ERCC6L2: variants seen among roughly 807,000 people sequenced by gnomAD.
The protein encoded by ERCC6L2 is ERCC excision repair 6 like 2, also known as DNA excision repair protein ERCC-6-like 2.
A neutral mutation model predicts 132.0 loss-of-function variants in ERCC6L2; 77 were observed. The observed-to-expected ratio is 0.58, with a 90% CI of 0.49 to 0.71. ERCC6L2 has a LOEUF of 0.71. Among genes scored for constraint, ERCC6L2 ranks in the 30% least tolerant of loss-of-function variants. ERCC6L2 has a pLI of 0.00. For missense variants in ERCC6L2, 1,542 were observed against 1,837.6 expected (o/e 0.84, Z 2.94); for synonymous variants, 583 against 632.4 (o/e 0.92, Z 1.17).
At chr9:95,971,379 A>G (rs1419575613) in intron 15 of ERCC6L2, among the ~76,000 whole-genome samples, 1 of 152,162 alleles carries the variant, frequency 6.6e-6, no homozygotes, top group Non-Finnish European at 1.5e-5. Flanking sequence ...ACTCTGATTA[A>G]TGTGCAAAGG....
chr9:95,931,357 C>T (rs1375361373), intron 11 of ERCC6L2, among the ~76,000 whole-genome samples: 1 of 152,078 alleles, frequency 6.6e-6, no homozygotes, highest in Admixed American at 6.5e-5. Flanking sequence ...TCAATCTGGC[C>T]CAGTTTTCTA....
intron 18 of ERCC6L2, among the ~76,000 whole-genome samples, chr9:96,006,425 C>T (rs1191951197): frequency 6.6e-6 from 1 of 152,254 alleles, no homozygotes; most frequent in African/African-American, 2.4e-5. Context: ...TTGGCAGGAG[C>T]AGCCTGGGAA....
Position 95,928,144 on chromosome 9 carries a change from C to T in ERCC6L2, c.1599C>T (p.Ser533=). ...ATAAAGTTCTTCTCTTTTCTTTTTC[C>T]ACCAAGGTGAGTTCATCTAAAGTAT... The part of the protein sequence containing the change: ...NRDKVLLFSF[S]TKLLDVLQQY... The change falls in exon 10 of 19, where the codon TCC becomes TCT. Residue 533 remains serine, a synonymous_variant. Transcript: ENST00000653738. The T allele has an allele frequency of 1.9e-6, 3 of 1,610,438 alleles. 1 individual carries two copies. The highest frequency in any genetic ancestry group is 2.2e-5 in the South Asian group (2 of 90,954).
chr9:95,945,995 T>C (rs1222829914), intron 12 of ERCC6L2, among the ~76,000 whole-genome samples: 1 of 151,710 alleles, frequency 6.6e-6, no homozygotes, highest in Non-Finnish European at 1.5e-5. Context: ...ACACAGGAAG[T>C]TGAAAATAAG....
intron 3 of ERCC6L2, among the ~76,000 whole-genome samples, chr9:95,904,256 C>T (rs566731009): frequency 7.4e-4 from 113 of 152,084 alleles, no homozygotes; most frequent in African/African-American, 2.4e-3. Flanking sequence ...CACTTCTTTC[C>T]ACGTGGAACC....
At chr9:95,964,755 A>G (rs928068882) in intron 13 of ERCC6L2, among the ~76,000 whole-genome samples, 5 of 152,030 alleles carry the variant, frequency 3.3e-5, no homozygotes, top group East Asian at 3.8e-4. Flanking sequence ...TTTAGTTACT[A>G]TTTTCCCCCT....
chr9:95,959,736 CA>C lies in ERCC6L2; in HGVS notation c.1947+3732del, dbSNP rs948697412. Among the ~76,000 whole-genome samples the C allele has an allele frequency of 2.9e-3, 433 of 147,838 alleles. 2 individuals carry two copies. Among genetic ancestry groups the C allele is most frequent in the African/African-American group, 0.01 (416 of 40,090 alleles). ...GCAAAGGACATGAACAGACACTTCT[CA>C]AAAAAAAATTATGTTCTTAAAAAAA... On this transcript the variant is annotated intron_variant, in intron 13 of 18. Transcript: ENST00000653738.
At position 95,914,275 on chromosome 9, in the gene ERCC6L2, A is replaced by G. The variant is rs4486322; in HGVS notation, c.789-1393A>G. Among the ~76,000 whole-genome samples the G allele has an allele frequency of 7.9e-3, 1,197 of 152,318 alleles. 21 individuals carry two copies. Among genetic ancestry groups the G allele is most frequent in the African/African-American group, 0.027 (1,138 of 41,570 alleles). ...TTTTTAATGTGCTTATTTGACATCT[A>G]TATCTTCAGATAGACATTTGGTGTC... On this transcript the variant is annotated intron_variant, in intron 4 of 18. Coordinates refer to ENST00000653738, the MANE Select transcript of ERCC6L2 (RefSeq NM_020207.7).
intron 19 of ERCC6L2, among the ~76,000 whole-genome samples, chr9:96,036,375 C>T (rs977664510): frequency 6.6e-6 from 1 of 152,214 alleles, no homozygotes; most frequent in African/African-American, 2.4e-5. Context: ...TTTGGAAATT[C>T]CTTCCTTTTT....
chr9:95,928,343 A>G (rs1001413221), intron 10 of ERCC6L2, 193 bp downstream of exon 10: 5 of 458,696 alleles, frequency 1.1e-5, no homozygotes, highest in East Asian at 3.3e-5. Flanking sequence ...CTAAATATCA[A>G]ACTCAAAGAT....
Position 95,915,659 on chromosome 9 carries a change from A to T in ERCC6L2, c.789-9A>T, listed in dbSNP as rs978277353. The T allele has an allele frequency of 3.8e-6, 6 of 1,597,344 alleles. No individual in the cohort carries two copies. The highest frequency in any genetic ancestry group is 1.8e-5 in the Admixed American group (1 of 56,126). The stretch of plus-strand genomic sequence containing the variant: ...CTCAACCTCACCCTTCTTTTTTCTT[A>T]CTTTATAGTTTGGAATGGTCAGCTG... On this transcript the variant is annotated splice_polypyrimidine_tract_variant and intron_variant, in intron 4 of 18. Coordinates refer to ENST00000653738, the MANE Select transcript of ERCC6L2 (RefSeq NM_020207.7).
chr9:95,912,368 C>G (rs1587891578), intron 4 of ERCC6L2, among the ~76,000 whole-genome samples: 1 of 151,618 alleles, frequency 6.6e-6, no homozygotes, highest in African/African-American at 2.4e-5. Context: ...CATCTAGATT[C>G]CAACAGTTTT....
Position 95,928,826 on chromosome 9 carries a change from C to T in ERCC6L2, c.1713C>T (p.Asn571=). The stretch of plus-strand genomic sequence containing the variant: ...GACTCAAGATTGTAAAAGAGTTCAA[C>T]AGTACACAAGATGTTAACATTTGCC... ...EERLKIVKEF[N]STQDVNICLV... Residue 571 remains asparagine, a synonymous_variant, in exon 11 of 19, where the codon AAC becomes AAT. Transcript: ENST00000653738. The T allele has an allele frequency of 6.2e-7, 1 of 1,610,996 alleles. No homozygotes were observed.
chr9:95,973,479 G>A (rs953718316), intron 16 of ERCC6L2, among the ~76,000 whole-genome samples: 1 of 152,148 alleles, frequency 6.6e-6, no homozygotes, highest in African/African-American at 2.4e-5. Context: ...GGGTTTAATG[G>A]ATTCACAGTT....
intron 2 of ERCC6L2, among the ~76,000 whole-genome samples, chr9:95,889,569 A>T (rs989059885): frequency 3.3e-5 from 5 of 152,154 alleles, no homozygotes. Context: ...ATGAGCTTTG[A>T]CAAATGTCTA....
chr9:95,903,543 G>A (rs1465130297), intron 3 of ERCC6L2, among the ~76,000 whole-genome samples: 1 of 151,952 alleles, frequency 6.6e-6, no homozygotes, highest in South Asian at 2.1e-4. Flanking sequence ...TGCAAGAGTT[G>A]ATATTTATTG....
intron 2 of ERCC6L2, among the ~76,000 whole-genome samples, chr9:95,894,514 A>G (rs1029524461): frequency 6.6e-6 from 1 of 151,906 alleles, no homozygotes; most frequent in Non-Finnish European, 1.5e-5. Flanking sequence ...ATTGTGATCA[A>G]AGAACATATT....
intron 2 of ERCC6L2, among the ~76,000 whole-genome samples, chr9:95,887,224 G>A (rs1486999342): frequency 6.6e-6 from 1 of 151,236 alleles, no homozygotes; most frequent in Admixed American, 6.6e-5. Flanking sequence ...CCTGCCTGGG[G>A]GTGTCAAAGA....
Position 95,907,167 on chromosome 9 carries a change from T to A in ERCC6L2, c.684T>A (p.His228Gln). The A allele has an allele frequency of 6.2e-7, 1 of 1,613,278 alleles. No homozygotes were observed. Among genetic ancestry groups the A allele is most frequent in the Non-Finnish European group, 8.5e-7 (1 of 1,179,564 alleles). Residue 228 changes from histidine (H) to glutamine (Q), a missense_variant, in exon 4 of 19, where the codon CAT (histidine) becomes CAA (glutamine). His to Gln is a conservative substitution (Grantham distance 24, BLOSUM62 0). This residue lies in a region of ERCC6L2 where 945 missense variants were observed against 1,105.2 expected (regional missense o/e 0.86). Coordinates refer to ENST00000653738, the MANE Select transcript of ERCC6L2 (RefSeq NM_020207.7). ...GATATTTCAGAGTCACTGTTTTACA[T>A]GGAAACAGAAAAGATAATGAATTAA... ...TWGYFRVTVLHGNRKDNELIR... is the reference protein window; with the variant it reads ...TWGYFRVTVLQGNRKDNELIR...
Sources: gnomAD v4.1 joint callset for allele counts (sites outside exome capture counted in the v4.1 genomes callset) on GRCh38, gnomAD v4.1.1 for gene constraint, gnomAD v4.1.1 regional missense constraint, MANE v1.5 for transcripts, NCBI Gene and HGNC (gene_info 2026-07-23, HGNC 2026-07-21) for gene names.